BMPR2: variants seen among roughly 807,000 people sequenced by gnomAD.
BMPR2 encodes bone morphogenetic protein receptor type 2.
Under a neutral mutation model 100.8 loss-of-function variants are expected in BMPR2, and 29 were observed. That is an observed-to-expected ratio of 0.29 (90% CI 0.21 to 0.39). The LOEUF (loss-of-function observed/expected upper bound fraction) is 0.39. BMPR2 is among the 10% of genes least tolerant of loss of function. The pLI, the probability that BMPR2 is intolerant of heterozygous loss-of-function variation, is 1.00. For missense variants in BMPR2, 1,011 were observed against 1,274.5 expected, an observed-to-expected ratio of 0.79 and a Z score of 3.15; for synonymous variants, 382 against 442.3, an observed-to-expected ratio of 0.86 and a Z score of 1.71.
chr2:202,531,365 A>C (rs1328956264), intron 8 of BMPR2, among the ~76,000 whole-genome samples: 2 of 152,218 alleles, frequency 1.3e-5, no homozygotes, highest in Non-Finnish European at 2.9e-5. Context: ...AGGAAATATA[A>C]AAGACATCTC....
intron 1 of BMPR2, among the ~76,000 whole-genome samples, chr2:202,452,074 T>A (rs889651949): frequency 6.6e-6 from 1 of 151,980 alleles, no homozygotes; most frequent in African/African-American, 2.4e-5. Flanking sequence ...GTTTTTATAA[T>A]TGTATAATAG....
chr2:202,440,556 A>G (rs1691717438), intron 1 of BMPR2, among the ~76,000 whole-genome samples: 1 of 150,664 alleles, frequency 6.6e-6, no homozygotes, highest in African/African-American at 2.5e-5. Context: ...CTCACTTCCC[A>G]GACGGGGTGG....
Position 202,482,626 on chromosome 2 carries a change from C to T in BMPR2, c.418+14937C>T, listed in dbSNP as rs376728025. Among the ~76,000 whole-genome samples, 33 of 151,662 alleles carry T rather than the reference C, an allele frequency of 2.2e-4. No homozygotes were observed. In the East Asian group the frequency reaches 6.0e-3, roughly 28 times the overall value. On this transcript the variant is annotated intron_variant, in intron 3 of 12. Coordinates refer to ENST00000374580, the MANE Select transcript of BMPR2 (RefSeq NM_001204.7). ...CGATCTCGGCTCACTGCAACCTCCG[C>T]CTCCCAGGTTCAAGCGATTCTCCTG...
chr2:202,458,168 C>T (rs1213922973), intron 1 of BMPR2, among the ~76,000 whole-genome samples: 1 of 150,388 alleles, frequency 6.6e-6, no homozygotes, highest in Non-Finnish European at 1.5e-5. Flanking sequence ...ATTTTTGAGC[C>T]AGGTACTGTG....
chr2:202,563,091 A>T lies in BMPR2; in HGVS notation c.*3145A>T, dbSNP rs1399471434. 1 of 152,042 alleles carries T rather than the reference A, an allele frequency of 6.6e-6. No homozygotes were observed. Among genetic ancestry groups the T allele is most frequent in the African/African-American group, 2.4e-5 (1 of 41,400 alleles). 9.4% of individuals were successfully genotyped at this position (152,042 alleles called of 1,614,324 possible). A position where few individuals can be genotyped will look rare whatever the true frequency, so the allele number is the denominator to read the frequency against. Reference sequence around the variant, plus strand: ...TCTCCACATCTCTTTCATCCATACCACACTGCCTACATGCCATATGACAGG... The same window carrying T: ...TCTCCACATCTCTTTCATCCATACCTCACTGCCTACATGCCATATGACAGG... On this transcript the variant is annotated 3_prime_UTR_variant, in exon 13 of 13. Transcript: ENST00000374580.
intron 9 of BMPR2, among the ~76,000 whole-genome samples, chr2:202,541,078 G>A (rs1200833427): frequency 2.0e-5 from 3 of 152,110 alleles, no homozygotes; most frequent in African/African-American, 7.2e-5. Context: ...AATGAATAGG[G>A]TTATTAAATA....
chr2:202,379,818 A>G (rs1690233861), intron 1 of BMPR2, among the ~76,000 whole-genome samples: 1 of 150,218 alleles, frequency 6.7e-6, no homozygotes, highest in African/African-American at 2.5e-5. Flanking sequence ...GAGTTCTTGG[A>G]CTCCTTAATT....
chr2:202,407,174 C>T (rs1436894349), intron 1 of BMPR2, among the ~76,000 whole-genome samples: 1 of 151,968 alleles, frequency 6.6e-6, no homozygotes, highest in Non-Finnish European at 1.5e-5. Context: ...AACTCCTGAC[C>T]TCAAATGATC....
At chr2:202,527,581 C>T (rs1191852732) in intron 7 of BMPR2, among the ~76,000 whole-genome samples, 1 of 147,258 alleles carries the variant, frequency 6.8e-6, no homozygotes, top group Non-Finnish European at 1.5e-5. Context: ...GTCAGGAGAT[C>T]GAGACCATCC....
rs79880878 is a variant in BMPR2 at position 202,526,336 on chromosome 2, T to C, written c.968-4458T>C. ...TAGCCCTGACATTATTTTTTCAGTC[T>C]CTCTGACATCTTTAGTGAAGAGAAC... On this transcript the variant is annotated intron_variant, in intron 7 of 12. Transcript: ENST00000374580. 5.5e-4 allele frequency among the ~76,000 whole-genome samples: 84 copies of C among 152,356 alleles called. 1 individual carries two copies. The East Asian group carries it at 0.015, about 27-fold the overall frequency.
chr2:202,502,571 T>C (rs534237911), intron 3 of BMPR2, among the ~76,000 whole-genome samples: 9 of 152,340 alleles, frequency 5.9e-5, no homozygotes, highest in Middle Eastern at 3.4e-3. Flanking sequence ...ATTCTACTTA[T>C]GTGGATCTTC....
At chr2:202,523,192 AC>A (rs1362899562) in intron 7 of BMPR2, among the ~76,000 whole-genome samples, 2 of 152,252 alleles carry the variant, frequency 1.3e-5, no homozygotes, top group Admixed American at 1.3e-4. Flanking sequence ...ATACTATCTT[AC>A]AACAGTCAGA....
chr2:202,455,246 G>A (rs1237228031), intron 1 of BMPR2, among the ~76,000 whole-genome samples: 1 of 152,096 alleles, frequency 6.6e-6, no homozygotes, highest in Non-Finnish European at 1.5e-5. Flanking sequence ...TATTTCAAGT[G>A]CTTAATATCC....
intron 7 of BMPR2, among the ~76,000 whole-genome samples, chr2:202,528,445 C>A (rs562704404): frequency 6.6e-6 from 1 of 152,316 alleles, no homozygotes; most frequent in African/African-American, 2.4e-5. Flanking sequence ...CCTCAGCCTC[C>A]CCAAGTGCTG....
chr2:202,387,704 A>G (rs13415189), intron 1 of BMPR2, among the ~76,000 whole-genome samples: 8,158 of 152,284 alleles, frequency 0.054, 713 homozygotes, highest in African/African-American at 0.19. Flanking sequence ...TCAAAGCTTC[A>G]GTTTTGGAAA....
intron 1 of BMPR2, among the ~76,000 whole-genome samples, chr2:202,420,537 ATTTTTTTTTT>A (rs10555458): frequency 2.2e-4 from 13 of 58,984 alleles, no homozygotes; most frequent in Middle Eastern, 0.011. Flanking sequence ...TAGAAGCATG[ATTTTTTTTTT>A]TTTTTTTTTT....
At chr2:202,493,361 C>G (rs535847465) in intron 3 of BMPR2, among the ~76,000 whole-genome samples, 1 of 152,086 alleles carries the variant, frequency 6.6e-6, no homozygotes, top group Admixed American at 6.6e-5. Context: ...AAAGTACAAT[C>G]TTAGTACAAT....
chr2:202,407,312 C>T (rs1463622914), intron 1 of BMPR2, among the ~76,000 whole-genome samples: 1 of 151,772 alleles, frequency 6.6e-6, no homozygotes, highest in Non-Finnish European at 1.5e-5. Flanking sequence ...CTCCTGACTT[C>T]AAACTCCTGA....
rs1297586967 is a variant in BMPR2 at position 202,469,850 on chromosome 2, A to AGGG, written c.418+2161_418+2162insGGG. 5.9e-3 allele frequency among the ~76,000 whole-genome samples: 886 copies of AGGG among 151,358 alleles called. 12 individuals carry two copies. The highest frequency in any genetic ancestry group is 0.018 in the African/African-American group (747 of 41,080). ...AAGTTATTGAAAGATAAGGGGGGGAAAAAAAGCCCTGAAGAGAAAAAGAAC... is the reference window on the plus strand; with the variant it reads ...AAGTTATTGAAAGATAAGGGGGGGAAGGGAAAAAGCCCTGAAGAGAAAAAGAAC... On this transcript the variant is annotated intron_variant, in intron 3 of 12. Coordinates refer to ENST00000374580, the MANE Select transcript of BMPR2 (RefSeq NM_001204.7).
Sources: allele counts gnomAD v4.1 joint callset (sites outside exome capture counted in the v4.1 genomes callset), GRCh38; gene constraint gnomAD v4.1.1; transcripts MANE v1.5; gene names NCBI Gene and HGNC (gene_info 2026-07-23, HGNC 2026-07-21).